PRKAG2: variants seen among roughly 807,000 people sequenced by gnomAD.
The protein encoded by PRKAG2 is protein kinase AMP-activated non-catalytic subunit gamma 2.
PRKAG2 carries 26 observed loss-of-function variants against 69.6 expected under a neutral mutation model. The ratio of observed to expected loss-of-function variants is 0.37; its 90% CI spans 0.27 to 0.52. The LOEUF (loss-of-function observed/expected upper bound fraction) is 0.52, where lower values mean the gene tolerates loss of function less well. PRKAG2 is among the 20% of genes least tolerant of loss of function. The pLI, the probability that PRKAG2 is intolerant of heterozygous loss-of-function variation, is 0.90. For synonymous variants in PRKAG2, 293 were observed against 285.0 expected (o/e 1.03, Z -0.28); for missense variants, 557 against 740.0 (o/e 0.75, Z 2.87).
rs74710992 is a variant in PRKAG2 at position 151,677,691 on chromosome 7, C to T, written c.467-2054G>A. On this transcript the variant is annotated intron_variant, in intron 3 of 15. Coordinates refer to ENST00000287878, the MANE Select transcript of PRKAG2 (RefSeq NM_016203.4). ...TAACAGACCATAGCCTACATTCGTG[C>T]CAGCCAGAGTTTTGGCAATCACATG... Among the ~76,000 whole-genome samples the T allele has an allele frequency of 7.1e-3, 1,081 of 152,332 alleles. 16 individuals are homozygous for T. Among genetic ancestry groups the T allele is most frequent in the African/African-American group, 0.025 (1,028 of 41,568 alleles).
Position 151,777,297 on chromosome 7 carries a change from C to T in PRKAG2, c.466+3855G>A, listed in dbSNP as rs2076418180. Among the ~76,000 whole-genome samples the T allele has an allele frequency of 6.6e-6, 1 of 152,214 alleles. No individual in the cohort carries two copies. Among genetic ancestry groups the T allele is most frequent in the African/African-American group, 2.4e-5 (1 of 41,454 alleles). ...ACTGTGAGCACAGTGTCTGCTGGGA[C>T]CCGCTGAGATCCAGAGGGGCTGGGA... On this transcript the variant is annotated intron_variant, in intron 3 of 15. Transcript: ENST00000287878. This position sits in a 1 kb window ranked among gnomAD's most constrained non-coding sequence, Gnocchi z 4.3.
chr7:151,557,626 T>C, intron 15 of PRKAG2: 1 of 901,012 alleles, frequency 1.1e-6, no homozygotes, highest in Non-Finnish European at 1.3e-6. Flanking sequence ...TCCCAGCACT[T>C]TGGGAGGCCG....
At chr7:151,817,455 C>T (rs2078672740) in intron 1 of PRKAG2, among the ~76,000 whole-genome samples, 1 of 152,184 alleles carries the variant, frequency 6.6e-6, no homozygotes, top group African/African-American at 2.4e-5. Context: ...AGAACAAACC[C>T]CACTTCTTCA....
At chr7:151,645,241 C>G (rs1283807213) in intron 4 of PRKAG2, among the ~76,000 whole-genome samples, 1 of 152,210 alleles carries the variant, frequency 6.6e-6, no homozygotes, top group African/African-American at 2.4e-5. Flanking sequence ...GCTTGTCTTT[C>G]TAGCAGATCA....
At chr7:151,783,047 C>A (rs1160323288) in intron 2 of PRKAG2, among the ~76,000 whole-genome samples, 1 of 152,230 alleles carries the variant, frequency 6.6e-6, no homozygotes, top group South Asian at 2.1e-4. Flanking sequence ...GTCTCTCTGT[C>A]CCACCACGGG....
At chr7:151,759,671 A>C (rs1475891402) in intron 3 of PRKAG2, among the ~76,000 whole-genome samples, 2 of 152,160 alleles carry the variant, frequency 1.3e-5, no homozygotes, top group Non-Finnish European at 2.9e-5. Context: ...GCTTTCCCCC[A>C]GGCAGGACCA....
At chr7:151,856,148 G>A (rs1044989851) in intron 1 of PRKAG2, among the ~76,000 whole-genome samples, 1 of 152,210 alleles carries the variant, frequency 6.6e-6, no homozygotes, top group African/African-American at 2.4e-5. Flanking sequence ...CCTACATAGG[G>A]TATCATTTAA....
chr7:151,807,640 G>A lies in PRKAG2; in HGVS notation c.115-21099C>T. ...AAAGCCCAGTTTCTCCAACAGGTAA[G>A]TCCCAGCAGGGTGCGATGTCCCAAA... On this transcript the variant is annotated intron_variant, in intron 1 of 15. Transcript: ENST00000287878. This position sits in a 1 kb window ranked among gnomAD's most constrained non-coding sequence, Gnocchi z 4.4. 4.4e-6 allele frequency: 2 copies of A among 457,362 alleles called. No individual in the cohort carries two copies. Among genetic ancestry groups the A allele is most frequent in the Non-Finnish European group, 8.8e-6 (2 of 226,598 alleles). The allele number at this position is 457,362 out of a possible 1,614,324, so 28.3% of individuals were successfully genotyped here. A position where few individuals can be genotyped will look rare whatever the true frequency, so the allele number is the denominator to read the frequency against.
intron 3 of PRKAG2, among the ~76,000 whole-genome samples, chr7:151,693,072 C>A (rs1270823517): frequency 6.6e-6 from 1 of 152,210 alleles, no homozygotes; most frequent in Non-Finnish European, 1.5e-5. Context: ...AGATCCCACT[C>A]CTTCACCCGC....
chr7:151,783,180 C>T (rs2076815561), intron 2 of PRKAG2, among the ~76,000 whole-genome samples: 1 of 152,214 alleles, frequency 6.6e-6, no homozygotes, highest in Non-Finnish European at 1.5e-5. Flanking sequence ...CACAGCCTCC[C>T]CGCGCGGCCT....
At chr7:151,732,898 G>A (rs1799193885) in intron 3 of PRKAG2, among the ~76,000 whole-genome samples, 1 of 152,134 alleles carries the variant, frequency 6.6e-6, no homozygotes, top group South Asian at 2.1e-4. Context: ...TCATCATGTT[G>A]ACCAGGCTGG....
intron 3 of PRKAG2, among the ~76,000 whole-genome samples, chr7:151,704,546 G>A (rs777017439): frequency 3.3e-5 from 5 of 152,156 alleles, no homozygotes; most frequent in African/African-American, 7.2e-5. Context: ...TCTGGGCGGC[G>A]TCTACTCTGG....
intron 1 of PRKAG2, among the ~76,000 whole-genome samples, chr7:151,862,566 T>A (rs1403043238): frequency 6.6e-6 from 1 of 152,160 alleles, no homozygotes; most frequent in Non-Finnish European, 1.5e-5. Flanking sequence ...AACATTCAGG[T>A]CGGCTGTGTG....
intron 6 of PRKAG2, among the ~76,000 whole-genome samples, chr7:151,584,153 C>T (rs1408736927): frequency 6.6e-6 from 1 of 152,206 alleles, no homozygotes; most frequent in Non-Finnish European, 1.5e-5. Context: ...ATCTTCCATG[C>T]CCCTCCAAGC....
chr7:151,574,128 T>C (rs1051690610), intron 8 of PRKAG2, among the ~76,000 whole-genome samples: 89 of 152,322 alleles, frequency 5.8e-4, no homozygotes, highest in African/African-American at 2.0e-3. Context: ...GTAAGAATTA[T>C]TGGATAATAC....
chr7:151,592,551 G>A (rs1043881964), intron 6 of PRKAG2, among the ~76,000 whole-genome samples: 1 of 151,966 alleles, frequency 6.6e-6, no homozygotes, highest in Non-Finnish European at 1.5e-5. Flanking sequence ...TCCTGTCTGC[G>A]CACACTCTTT....
At chr7:151,653,051 C>T (rs138020967) in intron 4 of PRKAG2, among the ~76,000 whole-genome samples, 285 of 148,952 alleles carry the variant, frequency 1.9e-3, no homozygotes, top group Middle Eastern at 3.4e-3. Context: ...AGGAAATATC[C>T]CTTTCCTCCT....
chr7:151,813,492 G>GAAA (rs35161942), intron 1 of PRKAG2, among the ~76,000 whole-genome samples: 47,919 of 137,174 alleles, frequency 0.35, 8,683 homozygotes, highest in South Asian at 0.56. Context: ...CGATTGTAAG[G>GAAA]AAAAAAAAAA....
intron 1 of PRKAG2, among the ~76,000 whole-genome samples, chr7:151,851,036 G>A (rs927978181): frequency 3.3e-5 from 5 of 152,154 alleles, no homozygotes; most frequent in African/African-American, 4.8e-5. Flanking sequence ...CGATCCCGCC[G>A]TCTCTGTGCC....
Sources: gnomAD v4.1 joint callset for allele counts (sites outside exome capture counted in the v4.1 genomes callset) on GRCh38, gnomAD v4.1.1 for gene constraint, Gnocchi (gnomAD v3.1) non-coding constraint, MANE v1.5 for transcripts, NCBI Gene and HGNC (gene_info 2026-07-23, HGNC 2026-07-21) for gene names.